Variants in TRDN observed in about 807,000 individuals in gnomAD.
The protein encoded by TRDN is triadin in skeletal muscle.
Under a neutral mutation model 149.7 loss-of-function variants are expected in TRDN, and 161 were observed. The ratio of observed to expected loss-of-function variants is 1.08; its 90% CI spans 0.95 to 1.23. TRDN has a LOEUF of 1.23. Ranked by LOEUF, TRDN falls within the 50% of genes most tolerant of loss-of-function variation. TRDN has a pLI of 0.00. For synonymous variants in TRDN, 294 were observed against 250.5 expected (o/e 1.17, Z -1.64); for missense variants, 896 against 823.5 (o/e 1.09, Z -1.08).
At chr6:123,245,967 C>T (rs1317912860) in intron 38 of TRDN, among the ~76,000 whole-genome samples, 4 of 152,118 alleles carry the variant, frequency 2.6e-5, no homozygotes, top group Non-Finnish European at 5.9e-5. Flanking sequence ...GGAAACTGAA[C>T]AACCTGCTCC....
intron 14 of TRDN, among the ~76,000 whole-genome samples, chr6:123,383,327 T>C (rs1421813341): frequency 6.6e-6 from 1 of 152,060 alleles, no homozygotes; most frequent in Admixed American, 6.6e-5. Flanking sequence ...CGTAGATGTA[T>C]AAGCTAGAAA....
chr6:123,299,486 G>C (rs1778325582), intron 24 of TRDN, among the ~76,000 whole-genome samples: 1 of 151,962 alleles, frequency 6.6e-6, no homozygotes, highest in South Asian at 2.1e-4. Context: ...CAAATAAATA[G>C]TCCTGTTTTT....
chr6:123,467,371 A>C (rs2114720817), intron 9 of TRDN, among the ~76,000 whole-genome samples: 1 of 152,118 alleles, frequency 6.6e-6, no homozygotes, highest in East Asian at 1.9e-4. Flanking sequence ...TAGAACACAC[A>C]AACTGGTGCT....
chr6:123,560,744 G>A (rs760085005), intron 2 of TRDN, among the ~76,000 whole-genome samples: 1 of 152,078 alleles, frequency 6.6e-6, no homozygotes, highest in Non-Finnish European at 1.5e-5. Context: ...TCCCACACAA[G>A]GCAAATGGTT....
At chr6:123,283,836 A>T (rs1777692648) in intron 24 of TRDN, among the ~76,000 whole-genome samples, 1 of 149,300 alleles carries the variant, frequency 6.7e-6, no homozygotes, top group Non-Finnish European at 1.5e-5. Context: ...AAATTCCAGG[A>T]ATTGGGTGGA....
intron 12 of TRDN, among the ~76,000 whole-genome samples, chr6:123,420,391 T>TAAAA (rs5879679): frequency 0.023 from 3,427 of 151,198 alleles, 96 homozygotes; most frequent in East Asian, 0.082. Context: ...AGGATTTTTT[T>TAAAA]AAAAAAAAAA....
intron 10 of TRDN, among the ~76,000 whole-genome samples, chr6:123,460,872 G>A (rs1314182799): frequency 6.6e-6 from 1 of 152,054 alleles, no homozygotes; most frequent in African/African-American, 2.4e-5. Flanking sequence ...TGAAAGACTT[G>A]AGGTTTCACT....
chr6:123,415,894 T>C (rs1005396985), intron 12 of TRDN, among the ~76,000 whole-genome samples: 9 of 152,158 alleles, frequency 5.9e-5, no homozygotes, highest in Admixed American at 2.6e-4. Flanking sequence ...TTTAGTCGAG[T>C]TTCCATATTC....
chr6:123,438,541 T>C (rs547628270), intron 11 of TRDN, among the ~76,000 whole-genome samples: 1 of 152,172 alleles, frequency 6.6e-6, no homozygotes. Context: ...AAACAACCAA[T>C]TAAAATATAT....
intron 12 of TRDN, among the ~76,000 whole-genome samples, chr6:123,434,463 A>G (rs1271481255): frequency 6.6e-6 from 1 of 152,132 alleles, no homozygotes; most frequent in African/African-American, 2.4e-5. Context: ...GGTTGTGAGA[A>G]GACAGTGCTG....
intron 22 of TRDN, among the ~76,000 whole-genome samples, chr6:123,336,087 A>C (rs973395187): frequency 1.3e-5 from 2 of 151,982 alleles, no homozygotes; most frequent in African/African-American, 4.8e-5. Flanking sequence ...ACTATTTTTC[A>C]TAGTGTATGT....
chr6:123,429,160 A>G (rs973249978), intron 12 of TRDN: 1 of 152,172 alleles, frequency 6.6e-6, no homozygotes, highest in African/African-American at 2.4e-5. Flanking sequence ...TTTGGGTCCC[A>G]AAAGACAGTG....
At chr6:123,450,670 C>G (rs1176276416) in intron 10 of TRDN, among the ~76,000 whole-genome samples, 1 of 152,152 alleles carries the variant, frequency 6.6e-6, no homozygotes, top group Non-Finnish European at 1.5e-5. Flanking sequence ...TAATACTCCA[C>G]TGACAGCACT....
chr6:123,447,084 C>T (rs1045818683), intron 10 of TRDN, among the ~76,000 whole-genome samples: 1 of 152,064 alleles, frequency 6.6e-6, no homozygotes, highest in African/African-American at 2.4e-5. Flanking sequence ...ACTAAGCTGG[C>T]CTTTCAGGCT....
intron 4 of TRDN, among the ~76,000 whole-genome samples, chr6:123,540,597 G>T (rs780865251): frequency 1.3e-5 from 2 of 152,196 alleles, no homozygotes; most frequent in Non-Finnish European, 2.9e-5. Context: ...TGGGCTCACC[G>T]CAGGCTCCGC....
At chr6:123,634,941 C>T (rs1028761394) in intron 1 of TRDN, among the ~76,000 whole-genome samples, 2 of 151,914 alleles carry the variant, frequency 1.3e-5, no homozygotes, top group South Asian at 2.1e-4. Flanking sequence ...TTTAAACCCC[C>T]GCAGAGCAAA....
intron 7 of TRDN, among the ~76,000 whole-genome samples, chr6:123,510,423 G>T (rs1419747329): frequency 1.3e-5 from 2 of 151,974 alleles, no homozygotes; most frequent in African/African-American, 2.4e-5. Flanking sequence ...AGATAAGGAA[G>T]AAATTTAAAT....
intron 9 of TRDN, among the ~76,000 whole-genome samples, chr6:123,476,897 A>G (rs1486280187): frequency 5.3e-5 from 8 of 151,882 alleles, no homozygotes; most frequent in East Asian, 3.9e-4. Flanking sequence ...TACAACTTAT[A>G]CAAAAATCAA....
intron 37 of TRDN, 39 bp downstream of exon 37, chr6:123,255,042 T>C (rs1776509161): frequency 3.6e-6 from 4 of 1,121,990 alleles, no homozygotes; most frequent in Non-Finnish European, 5.1e-6. Context: ...AATTCATATG[T>C]TTTCATACAA....
Sources: gnomAD v4.1 joint callset for allele counts (sites outside exome capture counted in the v4.1 genomes callset) on GRCh38, gnomAD v4.1.1 for gene constraint, MANE v1.5 for transcripts, NCBI Gene and HGNC (gene_info 2026-07-23, HGNC 2026-07-21) for gene names.